The following GPC5 variants were observed in gnomAD, a reference collection of about 807,000 sequenced individuals.
GPC5 encodes glypican-5.
Under a neutral mutation model 53.9 loss-of-function variants are expected in GPC5, and 47 were observed. The ratio of observed to expected loss-of-function variants is 0.87; its 90% confidence interval spans 0.69 to 1.11. The LOEUF (loss-of-function observed/expected upper bound fraction) is 1.11, where lower values mean the gene tolerates loss of function less well. Among genes scored for constraint, GPC5 ranks in the 50% most tolerant of loss-of-function variants. The pLI is 0.00. For missense variants in GPC5, 748 were observed against 713.1 expected (o/e 1.05, Z -0.56); for synonymous variants, 286 against 263.3 (o/e 1.09, Z -0.84).
At chr13:92,544,071 G>T (rs777319849) in intron 7 of GPC5, among the ~76,000 whole-genome samples, 3 of 151,890 alleles carry the variant, frequency 2.0e-5, no homozygotes, top group Non-Finnish European at 4.4e-5. Context: ...AGTAACTGAA[G>T]TTCCTTGGTC....
At chr13:92,344,258 C>T (rs1264580861) in intron 7 of GPC5, among the ~76,000 whole-genome samples, 1 of 152,032 alleles carries the variant, frequency 6.6e-6, no homozygotes, top group Non-Finnish European at 1.5e-5. Flanking sequence ...AGGGGAAACC[C>T]CTTTATAAAA....
intron 1 of GPC5, among the ~76,000 whole-genome samples, chr13:91,413,338 C>A (rs1356473761): frequency 6.6e-6 from 1 of 151,084 alleles, no homozygotes; most frequent in Non-Finnish European, 1.5e-5. Context: ...AAGGAAAAAG[C>A]AAATATGGCC....
chr13:92,166,362 A>G (rs928459677), intron 7 of GPC5, among the ~76,000 whole-genome samples: 5 of 152,214 alleles, frequency 3.3e-5, no homozygotes, highest in African/African-American at 9.6e-5. Context: ...TGCTAGCCCT[A>G]TAAAATCAAG....
chr13:91,805,139 G>T (rs1327142178), intron 5 of GPC5, among the ~76,000 whole-genome samples: 1 of 152,126 alleles, frequency 6.6e-6, no homozygotes, highest in African/African-American at 2.4e-5. Flanking sequence ...AGAGGGAGTG[G>T]TGTGGTTGAT....
chr13:92,150,421 G>C (rs1288482733), intron 7 of GPC5, among the ~76,000 whole-genome samples: 1 of 151,862 alleles, frequency 6.6e-6, no homozygotes, highest in Non-Finnish European at 1.5e-5. Flanking sequence ...ATATGTCTAA[G>C]ATAAACATAG....
chr13:92,108,526 A>T (rs1013777606), intron 6 of GPC5, among the ~76,000 whole-genome samples: 6 of 152,178 alleles, frequency 3.9e-5, no homozygotes, highest in Admixed American at 6.5e-5. Context: ...TGCAATGAAG[A>T]ACTTAGAATA....
At chr13:92,208,904 A>G (rs2042356026) in intron 7 of GPC5, among the ~76,000 whole-genome samples, 1 of 152,238 alleles carries the variant, frequency 6.6e-6, no homozygotes, top group Non-Finnish European at 1.5e-5. Flanking sequence ...GACAGAAAGC[A>G]CATCCTTTTC....
At chr13:92,469,058 A>G (rs571305236) in intron 7 of GPC5, among the ~76,000 whole-genome samples, 1 of 152,228 alleles carries the variant, frequency 6.6e-6, no homozygotes, top group Admixed American at 6.6e-5. Context: ...TTTGTTTTCC[A>G]GTGCTGGATA....
chr13:91,729,599 G>T (rs568526228), intron 4 of GPC5, among the ~76,000 whole-genome samples: 1 of 151,878 alleles, frequency 6.6e-6, no homozygotes, highest in Non-Finnish European at 1.5e-5. Flanking sequence ...TCATCAGATG[G>T]GCTGTATGCA....
At chr13:91,784,598 C>G (rs2037848782) in intron 5 of GPC5, among the ~76,000 whole-genome samples, 1 of 151,972 alleles carries the variant, frequency 6.6e-6, no homozygotes, top group South Asian at 2.1e-4. Flanking sequence ...GTGGCACATG[C>G]CTGTAATCCC....
chr13:92,792,243 G>A (rs1480569355), intron 7 of GPC5, among the ~76,000 whole-genome samples: 1 of 152,052 alleles, frequency 6.6e-6, no homozygotes, highest in African/African-American at 2.4e-5. Flanking sequence ...AGAAGAGAGT[G>A]GGGGCCAATA....
chr13:92,527,546 T>C (rs1881409647), intron 7 of GPC5, among the ~76,000 whole-genome samples: 1 of 151,926 alleles, frequency 6.6e-6, no homozygotes, highest in African/African-American at 2.4e-5. Context: ...ACGGCAGTAA[T>C]GGATAGGTAA....
At chr13:92,747,027 G>C (rs1254050435) in intron 7 of GPC5, among the ~76,000 whole-genome samples, 1 of 152,050 alleles carries the variant, frequency 6.6e-6, no homozygotes, top group East Asian at 1.9e-4. Flanking sequence ...GTAACACAAT[G>C]GTATTTGTGT....
intron 7 of GPC5, among the ~76,000 whole-genome samples, chr13:92,342,711 T>G (rs549992379): frequency 6.6e-6 from 1 of 152,242 alleles, no homozygotes; most frequent in Admixed American, 6.5e-5. Context: ...CATAAATGAT[T>G]CCTTGAAAAA....
intron 7 of GPC5, among the ~76,000 whole-genome samples, chr13:92,743,878 G>A (rs1028364164): frequency 7.9e-5 from 12 of 152,072 alleles, no homozygotes; most frequent in African/African-American, 2.9e-4. Context: ...TTTATATGCT[G>A]GATTACGTTT....
rs1229195921 is a variant in GPC5 at position 91,950,290 on chromosome 13, A to G, written c.1401+42233A>G. Among the ~76,000 whole-genome samples the G allele has an allele frequency of 2.5e-4, 32 of 127,608 alleles. No homozygotes were observed. In the Admixed American group the frequency reaches 2.7e-3, roughly 11 times the overall value. 83.7% of individuals were successfully genotyped at this position (127,608 alleles called of 152,430 possible). A position where few individuals can be genotyped will look rare whatever the true frequency, so the allele number is the denominator to read the frequency against. On this transcript the variant is annotated intron_variant, in intron 6 of 7. Coordinates refer to ENST00000377067, the MANE Select transcript of GPC5 (RefSeq NM_004466.6). ...AGTTTTTTTTTTTTTTTTTTTCATG[A>G]ATTAGCATCTTTAGCATTCTCTTCC...
chr13:92,841,495 C>G (rs1015188369), intron 7 of GPC5, among the ~76,000 whole-genome samples: 1 of 152,036 alleles, frequency 6.6e-6, no homozygotes, highest in Non-Finnish European at 1.5e-5. Flanking sequence ...TATGTCTATG[C>G]TTATCAATTT....
At chr13:91,469,609 T>TA (rs1386591150) in intron 2 of GPC5, among the ~76,000 whole-genome samples, 19 of 152,286 alleles carry the variant, frequency 1.2e-4, no homozygotes, top group African/African-American at 4.6e-4. Context: ...GGAAATTCTC[T>TA]ACTTTAAAAA....
At position 92,574,117 on chromosome 13, in the gene GPC5, C is replaced by T. The variant is rs564516991; in HGVS notation, c.1562-292165C>T. Among the ~76,000 whole-genome samples, 3 of 152,232 alleles carry T rather than the reference C, an allele frequency of 2.0e-5. No individual in the cohort carries two copies. In the East Asian group the frequency reaches 5.8e-4, roughly 29 times the overall value. ...CCTTGTAGTTATGTTACTCTCATTG[C>T]TTAATAATTCTTTATAATAAAACTT... On this transcript the variant is annotated intron_variant, in intron 7 of 7. Coordinates refer to ENST00000377067, the MANE Select transcript of GPC5 (RefSeq NM_004466.6).
Sources: allele counts gnomAD v4.1 joint callset (sites outside exome capture counted in the v4.1 genomes callset), GRCh38; gene constraint gnomAD v4.1.1; transcripts MANE v1.5; gene names NCBI Gene and HGNC (gene_info 2026-07-23, HGNC 2026-07-21).